The following NPAS2 variants were observed in gnomAD, a reference collection of about 807,000 sequenced individuals.
NPAS2 encodes neuronal PAS domain-containing protein 2.
Under a neutral mutation model 107.5 loss-of-function variants are expected in NPAS2, and 23 were observed. The ratio of observed to expected loss-of-function variants is 0.21; its 90% CI spans 0.15 to 0.30. NPAS2 has a LOEUF of 0.30. NPAS2 is among the 10% of genes least tolerant of loss of function. NPAS2 has a pLI of 1.00. For synonymous variants in NPAS2, 403 were observed against 417.5 expected (o/e 0.97, Z 0.42); for missense variants, 756 against 1,043.3 (o/e 0.72, Z 3.79).
At chr2:100,827,470 T>C (rs1182110880) in intron 1 of NPAS2, among the ~76,000 whole-genome samples, 1 of 152,192 alleles carries the variant, frequency 6.6e-6, no homozygotes, top group East Asian at 1.9e-4. Context: ...GTGTGGGGTA[T>C]GAATGATCCT....
intron 4 of NPAS2, chr2:100,934,694 T>C (rs574167611): frequency 9.2e-6 from 6 of 649,550 alleles, no homozygotes; most frequent in Non-Finnish European, 1.9e-6. Flanking sequence ...GACACAGACC[T>C]AGTGCTGAGT....
intron 15 of NPAS2, among the ~76,000 whole-genome samples, chr2:100,981,395 G>A (rs1400106276): frequency 2.0e-5 from 3 of 152,210 alleles, no homozygotes; most frequent in Non-Finnish European, 4.4e-5. Context: ...CAGAGCAGGG[G>A]CTGCAGGCCC....
rs369814311 is a variant in NPAS2 at position 100,912,025 on chromosome 2, G to A, written c.32+7239G>A. ...TCTTTAGGAAAGTTCACCTTTTATG[G>A]ACAGCACTGTCTTCACTGAGCATCG... On this transcript the variant is annotated intron_variant, in intron 2 of 20. Transcript: ENST00000335681. Among the ~76,000 whole-genome samples the A allele has an allele frequency of 2.5e-4, 38 of 152,222 alleles. No individual in the cohort carries two copies. The South Asian group carries it at 5.4e-3, about 22-fold the overall frequency.
intron 7 of NPAS2, among the ~76,000 whole-genome samples, chr2:100,956,647 A>G (rs908542790): frequency 6.6e-6 from 1 of 152,120 alleles, no homozygotes; most frequent in African/African-American, 2.4e-5. Flanking sequence ...CTGGGCCACC[A>G]CTCAAAAATC....
chr2:100,931,163 A>G (rs1683922972), intron 3 of NPAS2, among the ~76,000 whole-genome samples: 1 of 152,068 alleles, frequency 6.6e-6, no homozygotes, highest in South Asian at 2.1e-4. Flanking sequence ...GAGGCCCGAC[A>G]CTGGACGTTT....
At chr2:100,862,684 A>G (rs2104534681) in intron 1 of NPAS2, among the ~76,000 whole-genome samples, 1 of 152,282 alleles carries the variant, frequency 6.6e-6, no homozygotes, top group South Asian at 2.1e-4. Context: ...AAGTCAGCAC[A>G]CTGCCGTTCC....
At chr2:100,893,996 A>G (rs1681249425) in intron 1 of NPAS2, among the ~76,000 whole-genome samples, 1 of 152,122 alleles carries the variant, frequency 6.6e-6, no homozygotes. Flanking sequence ...CCTGGGGGAG[A>G]CTGTCACTTG....
At chr2:100,870,464 T>C (rs1679514911) in intron 1 of NPAS2, among the ~76,000 whole-genome samples, 1 of 152,096 alleles carries the variant, frequency 6.6e-6, no homozygotes, top group Non-Finnish European at 1.5e-5. Context: ...GGCACGATCT[T>C]GGCTCACTGC....
intron 5 of NPAS2, among the ~76,000 whole-genome samples, chr2:100,943,984 G>T (rs183777581): frequency 2.2e-4 from 33 of 152,258 alleles, no homozygotes; most frequent in Admixed American, 1.9e-3. Context: ...GATGAACAGA[G>T]ATTCTTTCTG....
intron 7 of NPAS2, among the ~76,000 whole-genome samples, chr2:100,950,893 G>A (rs1287169433): frequency 6.6e-6 from 1 of 152,202 alleles, no homozygotes; most frequent in African/African-American, 2.4e-5. Flanking sequence ...TGAAATGAAT[G>A]TTTAATGAAC....
intron 1 of NPAS2, among the ~76,000 whole-genome samples, chr2:100,885,625 G>A (rs1276332035): frequency 6.6e-6 from 1 of 152,180 alleles, no homozygotes; most frequent in Non-Finnish European, 1.5e-5. Flanking sequence ...TTGTGATAAT[G>A]CTGTTGCATT....
rs998496061 is a variant in NPAS2, at chr2:100,820,783, C to G, written c.-23+369C>G. Among the ~76,000 whole-genome samples, 5 of 152,166 alleles carry G rather than the reference C, an allele frequency of 3.3e-5. No homozygotes were observed. The highest frequency in any genetic ancestry group is 7.4e-5 in the Non-Finnish European group (5 of 68,018). ...CCCAGGGCAACAGCTTTGGGGATTG[C>G]CCGTGGTTGTCTTCGAGACCCATCG... On this transcript the variant is annotated intron_variant, in intron 1 of 20. Transcript: ENST00000335681. The surrounding 1 kb of genome is among the most constrained non-coding windows in gnomAD (Gnocchi z 5.6).
intron 1 of NPAS2, among the ~76,000 whole-genome samples, chr2:100,856,700 G>A (rs956519278): frequency 1.4e-5 from 2 of 142,834 alleles, no homozygotes; most frequent in Admixed American, 1.4e-4. Flanking sequence ...GAGAATGTGT[G>A]TATGGGCGGG....
At chr2:100,894,786 G>A (rs1681296550) in intron 1 of NPAS2, among the ~76,000 whole-genome samples, 1 of 152,206 alleles carries the variant, frequency 6.6e-6, no homozygotes, top group South Asian at 2.1e-4. Flanking sequence ...ATTGGGCAGT[G>A]GATGCTGGGT....
chr2:100,829,878 C>T (rs756026457), intron 1 of NPAS2, among the ~76,000 whole-genome samples: 1 of 152,222 alleles, frequency 6.6e-6, no homozygotes, highest in African/African-American at 2.4e-5. Context: ...TGGGCATGGA[C>T]CTCTGATCAT....
At chr2:100,918,875 A>G (rs1389552377) in intron 2 of NPAS2, among the ~76,000 whole-genome samples, 1 of 152,188 alleles carries the variant, frequency 6.6e-6, no homozygotes, top group Non-Finnish European at 1.5e-5. Flanking sequence ...TATGACCCAG[A>G]CGTTCTAGTC....
intron 5 of NPAS2, among the ~76,000 whole-genome samples, chr2:100,942,137 A>C (rs905858645): frequency 1.3e-5 from 2 of 152,178 alleles, no homozygotes; most frequent in Non-Finnish European, 2.9e-5. Flanking sequence ...AAACTGGAGA[A>C]ATCTGCAGGC....
At chr2:100,851,452 G>A (rs1033687666) in intron 1 of NPAS2, among the ~76,000 whole-genome samples, 15 of 152,176 alleles carry the variant, frequency 9.9e-5, no homozygotes, top group Admixed American at 2.6e-4. Flanking sequence ...TCTGAATGCC[G>A]TCATTCTGCT....
chr2:100,835,196 C>T (rs944177208), intron 1 of NPAS2, among the ~76,000 whole-genome samples: 4 of 152,094 alleles, frequency 2.6e-5, no homozygotes, highest in African/African-American at 9.7e-5. Flanking sequence ...TACAGGCCAC[C>T]GGGGCGCAGA....
Sources: allele counts gnomAD v4.1 joint callset (sites outside exome capture counted in the v4.1 genomes callset), GRCh38; gene constraint gnomAD v4.1.1; non-coding constraint Gnocchi (gnomAD v3.1); transcripts MANE v1.5; gene names NCBI Gene and HGNC (gene_info 2026-07-23, HGNC 2026-07-21).